PLA2G4A: variants seen among roughly 807,000 people sequenced by gnomAD.
The protein encoded by PLA2G4A is phospholipase A2 group IVA.
A neutral mutation model predicts 81.9 loss-of-function variants in PLA2G4A; 40 were observed. The observed-to-expected ratio is 0.49, with a 90% CI of 0.38 to 0.64. The LOEUF (loss-of-function observed/expected upper bound fraction) is 0.64, where lower values mean the gene tolerates loss of function less well. Among genes scored for constraint, PLA2G4A ranks in the 30% least tolerant of loss-of-function variants. PLA2G4A has a pLI of 0.00. For synonymous variants in PLA2G4A, 302 were observed against 296.9 expected, an observed-to-expected ratio of 1.02 and a Z score of -0.18; for missense variants, 715 against 905.1, an observed-to-expected ratio of 0.79 and a Z score of 2.69.
intron 5 of PLA2G4A, 61 bp downstream of exon 5, chr1:186,894,272 G>A (rs951787229): frequency 2.6e-6 from 2 of 782,310 alleles, no homozygotes; most frequent in Non-Finnish European, 4.7e-6. Context: ...TTGATTCTGG[G>A]AAGTTGGGTT....
In PLA2G4A at chr1:186,870,450, T is replaced by A; in HGVS notation, c.49T>A (p.Ser17Thr). ...YQHIIVEHQYSHKFTVVVLRA... is the reference protein window; with the variant it reads ...YQHIIVEHQYTHKFTVVVLRA... Reference sequence around the variant, plus strand: ...TTATTTCCAGGTGGAGCACCAGTATTCCCACAAGTTTACGGTAGTGGTGTT... The same window carrying A: ...TTATTTCCAGGTGGAGCACCAGTATACCCACAAGTTTACGGTAGTGGTGTT... Residue 17 changes from serine to threonine, a missense_variant, in exon 3 of 18, where the codon TCC becomes ACC. Ser to Thr is a moderately conservative substitution (Grantham distance 58). Transcript: ENST00000367466. 6.2e-7 allele frequency: 1 copy of A among 1,604,844 alleles called. No homozygotes were observed.
chr1:186,910,908 T>A (rs1654914397), intron 6 of PLA2G4A, among the ~76,000 whole-genome samples: 1 of 152,160 alleles, frequency 6.6e-6, no homozygotes, highest in South Asian at 2.1e-4. Flanking sequence ...GTCAAGTAAG[T>A]TTGGGATATC....
chr1:186,984,302 C>T (rs918631571), intron 17 of PLA2G4A, among the ~76,000 whole-genome samples: 3 of 152,196 alleles, frequency 2.0e-5, no homozygotes, highest in African/African-American at 4.8e-5. Context: ...ACCATCACTT[C>T]GATCTGGAGG....
intron 7 of PLA2G4A, among the ~76,000 whole-genome samples, chr1:186,917,044 G>A (rs1173383980): frequency 2.6e-5 from 4 of 152,062 alleles, no homozygotes; most frequent in African/African-American, 7.2e-5. Flanking sequence ...AGGTTTCAGC[G>A]GCTGCAGGTT....
chr1:186,898,872 T>C (rs914114100), intron 5 of PLA2G4A, among the ~76,000 whole-genome samples: 4 of 152,316 alleles, frequency 2.6e-5, no homozygotes, highest in Admixed American at 1.3e-4. Flanking sequence ...GTGCAGGCAA[T>C]GTGTGCAGTG....
rs145976958 is a variant in PLA2G4A, at chr1:186,873,526, T to G, written c.115+3010T>G. ...TAGATTACTATTGGAGTTTTCTGCC[T>G]TGCTTGTGTGTCTGAGTGCTTTCTC... On this transcript the variant is annotated intron_variant, in intron 3 of 17. Transcript: ENST00000367466. 9.4e-3 allele frequency among the ~76,000 whole-genome samples: 1,426 copies of G among 152,160 alleles called. 7 individuals are homozygous for G. The highest frequency in any genetic ancestry group is 0.013 in the Non-Finnish European group (897 of 67,952).
At chr1:186,888,544 G>C (rs1352653055) in intron 3 of PLA2G4A, among the ~76,000 whole-genome samples, 1 of 152,060 alleles carries the variant, frequency 6.6e-6, no homozygotes, top group African/African-American at 2.4e-5. Flanking sequence ...TAATAATCTG[G>C]GTGACTGAGT....
intron 1 of PLA2G4A, among the ~76,000 whole-genome samples, chr1:186,845,757 A>G (rs1274389692): frequency 6.6e-6 from 1 of 152,166 alleles, no homozygotes; most frequent in African/African-American, 2.4e-5. Flanking sequence ...TGAGAAGTCC[A>G]TCTTGCCCTG....
chr1:186,866,403 T>G (rs2102051401), intron 2 of PLA2G4A, among the ~76,000 whole-genome samples: 1 of 152,294 alleles, frequency 6.6e-6, no homozygotes, highest in Admixed American at 6.5e-5. Context: ...GTTCACCATT[T>G]ACTATCTATG....
chr1:186,919,457 A>T (rs1383319958), intron 7 of PLA2G4A, among the ~76,000 whole-genome samples: 1 of 152,156 alleles, frequency 6.6e-6, no homozygotes, highest in Admixed American at 6.5e-5. Context: ...GAAGCAGGAC[A>T]TCCATCCCTT....
rs1652247965 is a variant in PLA2G4A, at chr1:186,848,055, GAACCTCAGAAAACGAA to G, written c.-69-6227_-69-6212del. On this transcript the variant is annotated intron_variant, in intron 1 of 17. Transcript: ENST00000367466. ...AAGGCGTTTGCCTGGTAACATGAAA[GAACCTCAGAAAACGAA>G]AACTGGAAGTGGACCACAAGATGCA... 2.0e-5 allele frequency among the ~76,000 whole-genome samples: 3 copies of G among 152,092 alleles called. No individual in the cohort carries two copies. In the South Asian group the frequency reaches 6.2e-4, roughly 31 times the overall value.
At chr1:186,917,625 G>A (rs1267598398) in intron 7 of PLA2G4A, among the ~76,000 whole-genome samples, 1 of 152,128 alleles carries the variant, frequency 6.6e-6, no homozygotes, top group African/African-American at 2.4e-5. Flanking sequence ...CGTTATCTGA[G>A]CTGATTCATA....
intron 14 of PLA2G4A, among the ~76,000 whole-genome samples, chr1:186,959,488 A>G (rs1229337449): frequency 6.6e-6 from 1 of 152,194 alleles, no homozygotes; most frequent in Non-Finnish European, 1.5e-5. Flanking sequence ...CATTTAAATT[A>G]CACTTTATTC....
chr1:186,870,858 T>A, intron 3 of PLA2G4A: 1 of 610,726 alleles, frequency 1.6e-6, no homozygotes, highest in Non-Finnish European at 2.9e-6. Context: ...TGGTTATGTT[T>A]GTCTGGATCT....
At chr1:186,899,970 T>G (rs1654479062) in intron 5 of PLA2G4A, among the ~76,000 whole-genome samples, 1 of 152,214 alleles carries the variant, frequency 6.6e-6, no homozygotes, top group Non-Finnish European at 1.5e-5. Context: ...TACAGTGAAT[T>G]CAGCTCTTTC....
intron 7 of PLA2G4A, among the ~76,000 whole-genome samples, chr1:186,928,440 G>T (rs1268343566): frequency 1.3e-5 from 2 of 152,108 alleles, no homozygotes; most frequent in Non-Finnish European, 1.5e-5. Flanking sequence ...ATGACAAAAA[G>T]ACTTGCCTCA....
chr1:186,829,703 A>C (rs1411432892), intron 1 of PLA2G4A, among the ~76,000 whole-genome samples: 4 of 152,106 alleles, frequency 2.6e-5, no homozygotes, highest in Non-Finnish European at 4.4e-5. Flanking sequence ...TTGAGTGTGG[A>C]TATTTCAGTA....
At chr1:186,929,507 T>A (rs780760650) in intron 7 of PLA2G4A, among the ~76,000 whole-genome samples, 23 of 152,188 alleles carry the variant, frequency 1.5e-4, no homozygotes, top group Non-Finnish European at 2.4e-4. Flanking sequence ...AGCTTCAGGA[T>A]CAATATTTTT....
intron 15 of PLA2G4A, 53 bp downstream of exon 15, chr1:186,965,646 T>A: frequency 7.9e-7 from 1 of 1,268,790 alleles, no homozygotes; most frequent in Non-Finnish European, 1.2e-6. Flanking sequence ...CTTGCTTGCC[T>A]TATAGATCTC....
Sources: allele counts gnomAD v4.1 joint callset (sites outside exome capture counted in the v4.1 genomes callset), GRCh38; gene constraint gnomAD v4.1.1; transcripts MANE v1.5; gene names NCBI Gene and HGNC (gene_info 2026-07-23, HGNC 2026-07-21).